Variants in SNTG2 observed in about 807,000 individuals in gnomAD.
SNTG2 encodes the protein syntrophin gamma 2, also known as gamma-2-syntrophin.
SNTG2 carries 74 observed loss-of-function variants against 70.9 expected under a neutral mutation model. That is an observed-to-expected ratio of 1.04 (90% CI 0.86 to 1.27). The LOEUF is 1.27. Ranked by LOEUF, SNTG2 falls within the 50% of genes most tolerant of loss-of-function variation. The probability of loss-of-function intolerance (pLI) is 0.00; values close to 1 mark genes in which losing one functional copy is unlikely to be tolerated. For synonymous variants in SNTG2, 278 were observed against 273.8 expected (o/e 1.02, Z -0.15); for missense variants, 717 against 690.7 (o/e 1.04, Z -0.43).
chr2:1,111,863 C>G (rs112115193), intron 4 of SNTG2, among the ~76,000 whole-genome samples: 25 of 152,102 alleles, frequency 1.6e-4, no homozygotes, highest in African/African-American at 6.0e-4. Context: ...GAGGTTTAAC[C>G]CTTATACTCC....
chr2:1,173,174 C>G lies in SNTG2; in HGVS notation c.582C>G (p.Ser194=), dbSNP rs758624515. ...FDSGLHLNGN[S]STTAPSSPSS... ...GCGGTTTGCATCTGAACGGAAACTC[C>G]AGTACCACAGTAAGCATATAGATTT... Residue 194 remains serine (S), a synonymous_variant, in exon 8 of 17, where the codon TCC becomes TCG. Transcript: ENST00000308624. 6.2e-7 allele frequency: 1 copy of G among 1,613,754 alleles called. No individual in the cohort carries two copies. The highest frequency in any genetic ancestry group is 1.1e-5 in the South Asian group (1 of 91,072).
At chr2:1,298,167 C>T (rs946837085) in intron 14 of SNTG2, among the ~76,000 whole-genome samples, 3 of 152,162 alleles carry the variant, frequency 2.0e-5, no homozygotes, top group African/African-American at 4.8e-5. Flanking sequence ...GAGTCTACCT[C>T]TGTCACCTAG....
At chr2:1,017,560 CAT>C (rs1276520496) in intron 1 of SNTG2, among the ~76,000 whole-genome samples, 5 of 148,762 alleles carry the variant, frequency 3.4e-5, no homozygotes, top group East Asian at 1.9e-4. Flanking sequence ...CACACACACA[CAT>C]ACACACATGC....
chr2:1,317,055 G>T (rs12994186), intron 16 of SNTG2, among the ~76,000 whole-genome samples: 22 of 36,632 alleles, frequency 6.0e-4, no homozygotes, highest in East Asian at 1.4e-3. Context: ...TAGCATCAGG[G>T]CAGCATTGGA....
chr2:1,173,719 G>A (rs1558490860), intron 8 of SNTG2, among the ~76,000 whole-genome samples: 1 of 152,130 alleles, frequency 6.6e-6, no homozygotes, highest in Non-Finnish European at 1.5e-5. Flanking sequence ...AGCTCCCTGG[G>A]GCATGGGGCT....
intron 16 of SNTG2, among the ~76,000 whole-genome samples, chr2:1,361,546 G>C (rs188305820): frequency 1.3e-5 from 2 of 152,266 alleles, no homozygotes; most frequent in East Asian, 3.9e-4. Context: ...AACACATTTT[G>C]GGAAATGCTG....
chr2:1,183,862 C>G, intron 8 of SNTG2, among the ~76,000 whole-genome samples: 1 of 152,096 alleles, frequency 6.6e-6, no homozygotes, highest in Admixed American at 6.5e-5. Context: ...AAGAGTTTTT[C>G]CATGTATATC....
Position 1,106,145 on chromosome 2 carries a change from G to T in SNTG2, c.325+7735G>T, listed in dbSNP as rs1466122160. On this transcript the variant is annotated intron_variant, in intron 4 of 16. Transcript: ENST00000308624. ...AGTGGACACCTGCTGTCACTCGGGT[G>T]CAGGGTATGGAGAGCTCCTTGGTAA... 6.5e-4 allele frequency among the ~76,000 whole-genome samples: 78 copies of T among 120,338 alleles called. 2 individuals carry two copies. The highest frequency in any genetic ancestry group is 2.8e-3 in the African/African-American group (73 of 26,054). The allele number at this position is 120,338 out of a possible 152,430, so 78.9% of individuals were successfully genotyped here.
At chr2:1,141,263 C>T (rs1668731732) in intron 6 of SNTG2, among the ~76,000 whole-genome samples, 2 of 152,308 alleles carry the variant, frequency 1.3e-5, no homozygotes, top group South Asian at 4.1e-4. Flanking sequence ...AATACTGAAA[C>T]AGGACGTTAC....
chr2:1,303,344 G>A (rs1210537277), intron 14 of SNTG2, among the ~76,000 whole-genome samples: 1 of 152,114 alleles, frequency 6.6e-6, no homozygotes, highest in Admixed American at 6.5e-5. Flanking sequence ...AAAGATAATA[G>A]GAAATTCTCC....
At position 1,267,466 on chromosome 2, in the gene SNTG2, C is replaced by G. The variant is rs373161316; in HGVS notation, c.1179C>G (p.Ala393=). The G allele has an allele frequency of 1.2e-6, 2 of 1,613,732 alleles. No homozygotes were observed. Among genetic ancestry groups the G allele is most frequent in the South Asian group, 2.2e-5 (2 of 90,994 alleles). The change falls in exon 14 of 17, where the codon GCC becomes GCG. Residue 393 remains alanine, a synonymous_variant. Transcript: ENST00000308624. ...GGCCCTATTGCTTCAGCATCGTGGC[C>G]GGCCATGGGAAGAGCCATGTTTTCA... ...DQRPYCFSIV[A]GHGKSHVFNV...
intron 1 of SNTG2, among the ~76,000 whole-genome samples, chr2:952,569 C>A (rs762077141): frequency 5.9e-5 from 9 of 152,214 alleles, no homozygotes; most frequent in Admixed American, 1.3e-4. Context: ...GTGGCCTCTG[C>A]TCACCTGTTT....
intron 14 of SNTG2, among the ~76,000 whole-genome samples, chr2:1,306,316 G>A (rs1210906882): frequency 6.6e-6 from 1 of 152,168 alleles, no homozygotes; most frequent in African/African-American, 2.4e-5. Context: ...GCCCAAGGCA[G>A]ATGGGTCCTT....
intron 16 of SNTG2, among the ~76,000 whole-genome samples, chr2:1,319,481 C>T (rs547793004): frequency 8.7e-4 from 132 of 152,334 alleles, no homozygotes; most frequent in African/African-American, 3.0e-3. Flanking sequence ...CGTGCTGGAT[C>T]TCAGAGCCGC....
At chr2:1,051,604 C>T (rs1413139642) in intron 1 of SNTG2, among the ~76,000 whole-genome samples, 1 of 152,134 alleles carries the variant, frequency 6.6e-6, no homozygotes, top group Non-Finnish European at 1.5e-5. Context: ...TGATACTGGG[C>T]TATAAAGTCT....
At chr2:1,016,761 T>C (rs1195956780) in intron 1 of SNTG2, among the ~76,000 whole-genome samples, 1 of 152,252 alleles carries the variant, frequency 6.6e-6, no homozygotes, top group Non-Finnish European at 1.5e-5. Context: ...ACGTATGTTA[T>C]GTGTGACACA....
chr2:983,558 C>G (rs564677117), intron 1 of SNTG2, among the ~76,000 whole-genome samples: 117 of 152,352 alleles, frequency 7.7e-4, no homozygotes, highest in Admixed American at 2.1e-3. Flanking sequence ...AATAGTCACT[C>G]TCCGCCCTGG....
intron 1 of SNTG2, among the ~76,000 whole-genome samples, chr2:988,476 G>A (rs372295736): frequency 1.3e-4 from 19 of 151,962 alleles, no homozygotes; most frequent in East Asian, 5.8e-4. Flanking sequence ...TTGGCTTATC[G>A]CAATGCTTCC....
chr2:1,223,436 C>T lies in SNTG2; in HGVS notation c.719+14206C>T, dbSNP rs535930705. Among the ~76,000 whole-genome samples, 7 of 151,246 alleles carry T rather than the reference C, an allele frequency of 4.6e-5. No individual in the cohort carries two copies. In the South Asian group the frequency reaches 8.3e-4, roughly 18 times the overall value. On this transcript the variant is annotated intron_variant, in intron 9 of 16. Transcript: ENST00000308624. ...GCGTCTCCCTGTCCTGCCTGCAGCCCGGGCACTGATCTTGTGTCTCTGCCA... is the reference window on the plus strand; with the variant it reads ...GCGTCTCCCTGTCCTGCCTGCAGCCTGGGCACTGATCTTGTGTCTCTGCCA...
Sources: allele counts gnomAD v4.1 joint callset (sites outside exome capture counted in the v4.1 genomes callset), GRCh38; gene constraint gnomAD v4.1.1; transcripts MANE v1.5; gene names NCBI Gene and HGNC (gene_info 2026-07-23, HGNC 2026-07-21).